CNTNAP5: variants seen among roughly 807,000 people sequenced by gnomAD.
CNTNAP5 encodes the protein contactin-associated protein-like 5.
In CNTNAP5, 72 loss-of-function variants were observed where a neutral mutation model predicts 150.2. The ratio of observed to expected loss-of-function variants is 0.48; its 90% CI spans 0.40 to 0.58. The LOEUF (loss-of-function observed/expected upper bound fraction) is 0.58, where lower values mean the gene tolerates loss of function less well. CNTNAP5 is among the 20% of genes least tolerant of loss of function. The pLI is 0.00. For missense variants in CNTNAP5, 1,636 were observed against 1,626.2 expected, an observed-to-expected ratio of 1.01 and a Z score of -0.10; for synonymous variants, 672 against 619.8, an observed-to-expected ratio of 1.08 and a Z score of -1.25.
At chr2:124,711,044 G>A (rs35573505) in intron 13 of CNTNAP5, among the ~76,000 whole-genome samples, 3 of 151,914 alleles carry the variant, frequency 2.0e-5, no homozygotes, top group Non-Finnish European at 2.9e-5. Context: ...AGGCAGAGGC[G>A]GGTGGATTAC....
chr2:124,682,623 C>T (rs745495473), intron 13 of CNTNAP5, among the ~76,000 whole-genome samples: 1 of 152,160 alleles, frequency 6.6e-6, no homozygotes, highest in South Asian at 2.1e-4. Context: ...TAGTTTCTCT[C>T]GGGTAGACAA....
chr2:124,672,493 G>A (rs770519736), intron 13 of CNTNAP5, among the ~76,000 whole-genome samples: 13 of 152,190 alleles, frequency 8.5e-5, no homozygotes, highest in Admixed American at 1.3e-4. Flanking sequence ...ATCCATCATT[G>A]AGGTTGGCTT....
chr2:124,524,473 G>A, intron 9 of CNTNAP5, 21 bp downstream of exon 9: 3 of 1,591,172 alleles, frequency 1.9e-6, no homozygotes, highest in Non-Finnish European at 2.6e-6. Context: ...CAGTCTTTAA[G>A]AGGGAAAATT....
chr2:124,905,391 T>C (rs1678515303), intron 22 of CNTNAP5, among the ~76,000 whole-genome samples: 1 of 152,032 alleles, frequency 6.6e-6, no homozygotes, highest in Admixed American at 6.6e-5. Flanking sequence ...GTCAAAATAT[T>C]AAAACTCGAA....
intron 13 of CNTNAP5, among the ~76,000 whole-genome samples, chr2:124,699,792 TTTTC>T (rs796957143): frequency 4.7e-5 from 7 of 149,704 alleles, no homozygotes; most frequent in South Asian, 2.1e-4. Flanking sequence ...CCTTTCTTTC[TTTTC>T]TTTCTTTCTT....
chr2:124,842,532 T>A (rs1353661647), intron 19 of CNTNAP5, among the ~76,000 whole-genome samples: 1 of 152,228 alleles, frequency 6.6e-6, no homozygotes, highest in East Asian at 1.9e-4. Context: ...GAGTAGCAGT[T>A]GGTCTGTATT....
intron 13 of CNTNAP5, among the ~76,000 whole-genome samples, chr2:124,684,446 C>T (rs1281305910): frequency 6.6e-6 from 1 of 152,128 alleles, no homozygotes; most frequent in Non-Finnish European, 1.5e-5. Flanking sequence ...TTTAATAATC[C>T]TTACTCTATA....
chr2:124,846,338 G>A (rs1328637012), intron 19 of CNTNAP5, among the ~76,000 whole-genome samples: 1 of 152,082 alleles, frequency 6.6e-6, no homozygotes, highest in Non-Finnish European at 1.5e-5. Flanking sequence ...TGTGAGCTGT[G>A]AAGATCTTTC....
Position 124,568,920 on chromosome 2 carries a change from C to T in CNTNAP5, c.1756+5597C>T, listed in dbSNP as rs892893910. Among the ~76,000 whole-genome samples, 11 of 152,240 alleles carry T rather than the reference C, an allele frequency of 7.2e-5. No individual in the cohort carries two copies. The South Asian group carries it at 1.9e-3, about 26-fold the overall frequency. On this transcript the variant is annotated intron_variant, in intron 11 of 23. Coordinates refer to ENST00000682447, the MANE Select transcript of CNTNAP5 (RefSeq NM_001367498.1). ...AAAATTACCCTGGCGTGGCGGCGGA[C>T]GCCTGTAGTCCCAGCTAATCGGGAG...
intron 3 of CNTNAP5, among the ~76,000 whole-genome samples, chr2:124,393,411 T>A (rs1414620081): frequency 1.3e-5 from 2 of 152,142 alleles, no homozygotes; most frequent in Non-Finnish European, 2.9e-5. Flanking sequence ...CAGTCTGCTT[T>A]CATAATTCTC....
intron 3 of CNTNAP5, among the ~76,000 whole-genome samples, chr2:124,356,353 T>A (rs1369868970): frequency 3.3e-5 from 5 of 149,952 alleles, no homozygotes; most frequent in African/African-American, 4.9e-5. Context: ...CATGTGCACA[T>A]TGTGCAGGTT....
intron 1 of CNTNAP5, among the ~76,000 whole-genome samples, chr2:124,184,274 A>T (rs1410028182): frequency 6.6e-6 from 1 of 152,192 alleles, no homozygotes; most frequent in East Asian, 1.9e-4. Context: ...AGTGAGAATT[A>T]CTTCAAAAGG....
At chr2:124,533,078 T>C (rs1218534927) in intron 10 of CNTNAP5, among the ~76,000 whole-genome samples, 1 of 151,656 alleles carries the variant, frequency 6.6e-6, no homozygotes, top group African/African-American at 2.4e-5. Flanking sequence ...CCCCTTGGAC[T>C]TTGGTCCCAC....
At chr2:124,480,180 C>A (rs1232981512) in intron 7 of CNTNAP5, among the ~76,000 whole-genome samples, 4 of 152,080 alleles carry the variant, frequency 2.6e-5, no homozygotes, top group Non-Finnish European at 5.9e-5. Context: ...AGTGGGTTTG[C>A]AGTAAATATA....
intron 13 of CNTNAP5, among the ~76,000 whole-genome samples, chr2:124,718,269 G>C (rs1462846145): frequency 6.6e-6 from 1 of 152,140 alleles, no homozygotes; most frequent in African/African-American, 2.4e-5. Context: ...TAAGAAAGCT[G>C]TTCTATCTGG....
chr2:124,356,036 A>C (rs1432468221), intron 3 of CNTNAP5, among the ~76,000 whole-genome samples: 1 of 152,228 alleles, frequency 6.6e-6, no homozygotes, highest in Non-Finnish European at 1.5e-5. Context: ...ATGCTTACAG[A>C]TAAAATATAG....
At chr2:124,241,414 T>A (rs1234132022) in intron 2 of CNTNAP5, among the ~76,000 whole-genome samples, 1 of 152,136 alleles carries the variant, frequency 6.6e-6, no homozygotes, top group Non-Finnish European at 1.5e-5. Context: ...CTAATCTCCA[T>A]CGAACTTTCC....
chr2:124,172,659 CCTT>C (rs1160313532), intron 1 of CNTNAP5, among the ~76,000 whole-genome samples: 3 of 152,138 alleles, frequency 2.0e-5, no homozygotes, highest in African/African-American at 4.8e-5. Context: ...AGCAATCTGT[CCTT>C]CTTGACCTCC....
chr2:124,546,537 A>C (rs1244095933), intron 10 of CNTNAP5, among the ~76,000 whole-genome samples: 1 of 152,184 alleles, frequency 6.6e-6, no homozygotes, highest in Non-Finnish European at 1.5e-5. Flanking sequence ...CCTAGAGTGA[A>C]TAAATCACAG....
Sources: allele counts gnomAD v4.1 joint callset (sites outside exome capture counted in the v4.1 genomes callset), GRCh38; gene constraint gnomAD v4.1.1; transcripts MANE v1.5; gene names NCBI Gene and HGNC (gene_info 2026-07-23, HGNC 2026-07-21).